The following GPR149 variants were observed in gnomAD, a reference collection of about 807,000 sequenced individuals.
The protein encoded by GPR149 is probable G protein-coupled receptor 149.
A neutral mutation model predicts 50.2 loss-of-function variants in GPR149; 50 were observed. That is an observed-to-expected ratio of 1.00 (90% CI 0.79 to 1.26). The LOEUF is 1.26. Ranked by LOEUF, GPR149 falls within the 50% of genes most tolerant of loss-of-function variation. The pLI is 0.00. For synonymous variants in GPR149, 405 were observed against 358.2 expected, an observed-to-expected ratio of 1.13 and a Z score of -1.48; for missense variants, 983 against 895.4, an observed-to-expected ratio of 1.10 and a Z score of -1.25.
intron 3 of GPR149, among the ~76,000 whole-genome samples, chr3:154,341,700 C>T (rs1713802723): frequency 6.6e-6 from 1 of 152,040 alleles, no homozygotes; most frequent in Non-Finnish European, 1.5e-5. Flanking sequence ...AAAAGTTCCA[C>T]TGAAATTTTA....
At position 154,405,529 on chromosome 3, in the gene GPR149, A is replaced by G. The variant is rs185993922; in HGVS notation, c.1623+15510T>C. Among the ~76,000 whole-genome samples the G allele has an allele frequency of 2.0e-4, 29 of 143,794 alleles. No individual in the cohort carries two copies. The East Asian group carries it at 5.4e-3, about 27-fold the overall frequency. The allele number at this position is 143,794 out of a possible 152,430, so 94.3% of individuals were successfully genotyped here. On this transcript the variant is annotated intron_variant, in intron 3 of 3. Transcript: ENST00000389740. ...CTTGAACCTGGGAAGCAGAGGCTGC[A>G]GTGAGCTGAGACTGCACCATTGCAC...
Position 154,383,784 on chromosome 3 carries a change from G to T in GPR149, c.1623+37255C>A, listed in dbSNP as rs1460022216. 3.9e-5 allele frequency among the ~76,000 whole-genome samples: 6 copies of T among 152,056 alleles called. 1 individual carries two copies. Among genetic ancestry groups the T allele is most frequent in the Non-Finnish European group, 8.8e-5 (6 of 68,004 alleles). ...ATTATGGTATTGGGGGACATTTTAA[G>T]AGATGATTAGGTCATGAGGGTAGAG... On this transcript the variant is annotated intron_variant, in intron 3 of 3. Coordinates refer to ENST00000389740, the MANE Select transcript of GPR149 (RefSeq NM_001038705.3).
intron 3 of GPR149, among the ~76,000 whole-genome samples, chr3:154,407,919 T>C (rs2108421858): frequency 6.6e-6 from 1 of 152,276 alleles, no homozygotes; most frequent in South Asian, 2.1e-4. Flanking sequence ...TATCTCATGC[T>C]GTCAGAAAGT....
At chr3:154,366,055 C>T (rs938085936) in intron 3 of GPR149, among the ~76,000 whole-genome samples, 3 of 152,188 alleles carry the variant, frequency 2.0e-5, no homozygotes, top group African/African-American at 7.2e-5. Context: ...CAATACCTTA[C>T]TTATGGTACC....
At chr3:154,362,495 A>C (rs566526465) in intron 3 of GPR149, among the ~76,000 whole-genome samples, 4 of 152,248 alleles carry the variant, frequency 2.6e-5, no homozygotes, top group African/African-American at 7.2e-5. Flanking sequence ...AACTATTAAA[A>C]ATATCAAAAC....
In GPR149 at chr3:154,335,882, C is replaced by G. The variant is rs1576893583; in HGVS notation, c.*1817G>C. 2.6e-5 allele frequency: 4 copies of G among 152,190 alleles called. No individual in the cohort carries two copies. Among genetic ancestry groups the G allele is most frequent in the Admixed American group, 2.0e-4 (3 of 15,280 alleles). 9.4% of individuals were successfully genotyped at this position (152,190 alleles called of 1,614,324 possible). A position where few individuals can be genotyped will look rare whatever the true frequency, so the allele number is the denominator to read the frequency against. Reference sequence around the variant, plus strand: ...TTTAAAGCAGCAATATCACCTTTCTCTTTCAGAAAATTATACATCTAAGTT... The same window carrying G: ...TTTAAAGCAGCAATATCACCTTTCTGTTTCAGAAAATTATACATCTAAGTT... On this transcript the variant is annotated 3_prime_UTR_variant, in exon 4 of 4. Coordinates refer to ENST00000389740, the MANE Select transcript of GPR149 (RefSeq NM_001038705.3).
chr3:154,402,488 A>G (rs1439782126), intron 3 of GPR149, among the ~76,000 whole-genome samples: 1 of 87,452 alleles, frequency 1.1e-5, no homozygotes, highest in Non-Finnish European at 2.6e-5. Flanking sequence ...TAGACAAGTG[A>G]TATTTACATC....
chr3:154,374,801 G>A (rs1447831576), intron 3 of GPR149, among the ~76,000 whole-genome samples: 1 of 152,120 alleles, frequency 6.6e-6, no homozygotes, highest in African/African-American at 2.4e-5. Context: ...TAGTGAGGCA[G>A]CCTTTGGTCC....
At chr3:154,353,970 T>TTGATTTA in intron 3 of GPR149, 1 of 481,592 alleles carries the variant, frequency 2.1e-6, no homozygotes, top group Admixed American at 3.1e-5. Flanking sequence ...TTATTATCAC[T>TTGATTTA]TGATTTATGA....
At chr3:154,375,716 A>AT (rs869054356) in intron 3 of GPR149, among the ~76,000 whole-genome samples, 2 of 152,066 alleles carry the variant, frequency 1.3e-5, no homozygotes, top group Admixed American at 6.6e-5. Flanking sequence ...GTAACACATT[A>AT]TTTTTTGGGG....
At chr3:154,367,197 T>C (rs1714550658) in intron 3 of GPR149, among the ~76,000 whole-genome samples, 2 of 152,200 alleles carry the variant, frequency 1.3e-5, no homozygotes, top group African/African-American at 4.8e-5. Context: ...TATTTTGGTC[T>C]TGGATGAATA....
chr3:154,338,310 G>C, intron 3 of GPR149, 39 bp from the exon 4 acceptor site: 1 of 1,434,624 alleles, frequency 7.0e-7, no homozygotes, highest in Non-Finnish European at 9.4e-7. Flanking sequence ...TGAAAGCTAG[G>C]TTCTGAGGTT....
chr3:154,421,306 T>C lies in GPR149; in HGVS notation c.1356A>G (p.Ile452Met), dbSNP rs748842881. 11 of 1,613,470 alleles carry C rather than the reference T, an allele frequency of 6.8e-6. No homozygotes were observed. The South Asian group carries it at 1.2e-4, about 18-fold the overall frequency. ...AGGGCGTGGTGCTGATTTCTACTTTTATAGCATTGAAGATGTTACGGTTGT... is the reference window on the plus strand; with the variant it reads ...AGGGCGTGGTGCTGATTTCTACTTTCATAGCATTGAAGATGTTACGGTTGT... ...QRDNRNIFNAIKVEISTTPSL... is the reference protein window; with the variant it reads ...QRDNRNIFNAMKVEISTTPSL... The change falls in exon 3 of 4, where the codon ATA becomes ATG. Residue 452 changes from isoleucine to methionine, a missense_variant. Ile to Met is a conservative substitution (Grantham distance 10). Coordinates refer to ENST00000389740, the MANE Select transcript of GPR149 (RefSeq NM_001038705.3).
At chr3:154,340,025 C>T (rs1476077656) in intron 3 of GPR149, among the ~76,000 whole-genome samples, 1 of 151,934 alleles carries the variant, frequency 6.6e-6, no homozygotes, top group African/African-American at 2.4e-5. Flanking sequence ...ATCTCCTGAC[C>T]TTGTGATCCT....
chr3:154,380,279 C>T (rs573235733), intron 3 of GPR149, among the ~76,000 whole-genome samples: 1 of 152,000 alleles, frequency 6.6e-6, no homozygotes. Context: ...TTTATGCTTT[C>T]ACTGTGCTTC....
rs896540470 is a variant in GPR149 at position 154,353,326 on chromosome 3, C to T, written c.1624-15055G>A. Reference sequence around the variant, plus strand: ...TATCTGGATTTCATGTATTTATTTGCAACTTTGTATACCCACTGTGGGCAA... The same window carrying T: ...TATCTGGATTTCATGTATTTATTTGTAACTTTGTATACCCACTGTGGGCAA... On this transcript the variant is annotated intron_variant, in intron 3 of 3. Transcript: ENST00000389740. 142 of 1,440,270 alleles carry T rather than the reference C, an allele frequency of 9.9e-5. No individual in the cohort carries two copies. The African/African-American group carries it at 1.6e-3, about 16-fold the overall frequency. The allele number at this position is 1,440,270 out of a possible 1,614,324, so 89.2% of individuals were successfully genotyped here. A position where few individuals can be genotyped will look rare whatever the true frequency, so the allele number is the denominator to read the frequency against.
intron 3 of GPR149, among the ~76,000 whole-genome samples, chr3:154,340,329 C>T (rs1042146011): frequency 1.3e-5 from 2 of 152,232 alleles, no homozygotes; most frequent in South Asian, 4.1e-4. Context: ...ATTGACTCTA[C>T]ATGTGTAATG....
chr3:154,374,584 G>C (rs1714749088), intron 3 of GPR149, among the ~76,000 whole-genome samples: 1 of 151,884 alleles, frequency 6.6e-6, no homozygotes, highest in Non-Finnish European at 1.5e-5. Flanking sequence ...CTCAAACTAG[G>C]GTTAGTCAAA....
intron 2 of GPR149, among the ~76,000 whole-genome samples, chr3:154,426,909 TGTGTGA>T (rs1473721007): frequency 2.2e-4 from 25 of 114,580 alleles, no homozygotes; most frequent in African/African-American, 7.0e-4. Context: ...TGTGTGTGTG[TGTGTGA>T]GACAGAGAGA....
Sources: gnomAD v4.1 joint callset for allele counts (sites outside exome capture counted in the v4.1 genomes callset) on GRCh38, gnomAD v4.1.1 for gene constraint, MANE v1.5 for transcripts, NCBI Gene and HGNC (gene_info 2026-07-23, HGNC 2026-07-21) for gene names.